Variants in MCTP1 observed in about 807,000 individuals in gnomAD.
MCTP1 encodes multiple C2 and transmembrane domain containing 1.
A neutral mutation model predicts 120.6 loss-of-function variants in MCTP1; 69 were observed. That is an observed-to-expected ratio of 0.57 (90% CI 0.47 to 0.70). The LOEUF (loss-of-function observed/expected upper bound fraction) is 0.70, where lower values mean the gene tolerates loss of function less well. Among genes scored for constraint, MCTP1 ranks in the 30% least tolerant of loss-of-function variants. MCTP1 has a pLI of 0.00. For missense variants in MCTP1, 1,203 were observed against 1,248.8 expected, an observed-to-expected ratio of 0.96 and a Z score of 0.55; for synonymous variants, 529 against 493.1, an observed-to-expected ratio of 1.07 and a Z score of -0.96.
chr5:94,910,627 G>T (rs980232894), intron 9 of MCTP1, among the ~76,000 whole-genome samples: 2 of 152,190 alleles, frequency 1.3e-5, no homozygotes, highest in African/African-American at 4.8e-5. Flanking sequence ...AAAGAGCAAA[G>T]AGAGACACAT....
rs1754732368 is a variant in MCTP1, at chr5:94,706,737, T to G, written c.*759A>C. On this transcript the variant is annotated 3_prime_UTR_variant, in exon 23 of 23. Coordinates refer to ENST00000515393, the MANE Select transcript of MCTP1 (RefSeq NM_024717.7). ...TGCTAACTAACTGTATAAATTAAAG[T>G]AGTGGTAGGTATAAAAATTCAGATA... 1 of 151,796 alleles carries G rather than the reference T, an allele frequency of 6.6e-6. No homozygotes were observed. The highest frequency in any genetic ancestry group is 2.1e-4 in the South Asian group (1 of 4,830). The allele number at this position is 151,796 out of a possible 1,614,324, so 9.4% of individuals were successfully genotyped here.
chr5:95,178,898 G>A (rs1337843089), intron 1 of MCTP1, among the ~76,000 whole-genome samples: 1 of 152,096 alleles, frequency 6.6e-6, no homozygotes, highest in Non-Finnish European at 1.5e-5. Flanking sequence ...CTAGAGAAAC[G>A]TGAACTCCAA....
At chr5:94,742,119 A>G (rs1765658048) in intron 19 of MCTP1, among the ~76,000 whole-genome samples, 1 of 152,216 alleles carries the variant, frequency 6.6e-6, no homozygotes, top group Non-Finnish European at 1.5e-5. Flanking sequence ...ACGGCTGGAA[A>G]GTGGAAGACT....
intron 1 of MCTP1, among the ~76,000 whole-genome samples, chr5:95,196,238 A>G (rs1231219431): frequency 6.6e-6 from 1 of 152,228 alleles, no homozygotes; most frequent in African/African-American, 2.4e-5. Flanking sequence ...AAAGATACAT[A>G]TATGTTCCTT....
intron 1 of MCTP1, among the ~76,000 whole-genome samples, chr5:95,215,578 C>A (rs1752948755): frequency 6.6e-6 from 1 of 151,954 alleles, no homozygotes; most frequent in South Asian, 2.1e-4. Flanking sequence ...CCTTTTTTTT[C>A]TTTGTTAGCC....
chr5:95,091,020 A>T (rs1367238842), intron 1 of MCTP1, among the ~76,000 whole-genome samples: 1 of 152,176 alleles, frequency 6.6e-6, no homozygotes, highest in East Asian at 1.9e-4. Context: ...CAGTCTATCA[A>T]TCAAATTACT....
intron 17 of MCTP1, chr5:94,826,772 C>CTTTTTTTTTTTTTTTTTTTTTTTTTT (rs61324420): frequency 4.7e-5 from 2 of 42,880 alleles, no homozygotes; most frequent in Non-Finnish European, 7.1e-5. Context: ...GTGACCCCTG[C>CTTTTTTTTTTTTTTTTTTTTTTTTTT]TTTTTTTTTT....
chr5:95,103,215 A>G (rs1396645833), intron 1 of MCTP1, among the ~76,000 whole-genome samples: 1 of 152,082 alleles, frequency 6.6e-6, no homozygotes, highest in African/African-American at 2.4e-5. Flanking sequence ...ATAAAGCCTA[A>G]TCAGAAATCA....
intron 1 of MCTP1, among the ~76,000 whole-genome samples, chr5:95,252,718 T>A (rs1252099823): frequency 6.6e-6 from 1 of 152,122 alleles, no homozygotes; most frequent in Non-Finnish European, 1.5e-5. Context: ...CCTATTTTTT[T>A]ATTTCTTAGG....
chr5:95,173,751 C>T (rs1006487404), intron 1 of MCTP1, among the ~76,000 whole-genome samples: 9 of 151,194 alleles, frequency 6.0e-5, no homozygotes, highest in Non-Finnish European at 1.3e-4. Flanking sequence ...GGGAAAGCCA[C>T]CAACATAAAA....
At chr5:95,099,161 TAA>T (rs1019533666) in intron 1 of MCTP1, among the ~76,000 whole-genome samples, 9 of 152,180 alleles carry the variant, frequency 5.9e-5, no homozygotes, top group African/African-American at 2.2e-4. Flanking sequence ...CCTAAATCCA[TAA>T]AAACCCTAGA....
At chr5:94,846,321 A>G (rs1792345223) in intron 17 of MCTP1, among the ~76,000 whole-genome samples, 1 of 152,192 alleles carries the variant, frequency 6.6e-6, no homozygotes, top group African/African-American at 2.4e-5. Flanking sequence ...CTACGCATCC[A>G]TACAAAGAAT....
intron 1 of MCTP1, among the ~76,000 whole-genome samples, chr5:95,089,787 C>T (rs938517389): frequency 6.6e-6 from 1 of 152,228 alleles, no homozygotes; most frequent in Admixed American, 6.5e-5. Context: ...TGTTGCAGAA[C>T]TAGCTCACAA....
intron 1 of MCTP1, among the ~76,000 whole-genome samples, chr5:95,117,476 T>A (rs925206514): frequency 2.6e-5 from 4 of 151,222 alleles, no homozygotes; most frequent in Middle Eastern, 3.2e-3. Context: ...TACCATTTCA[T>A]GCCAGTCAGA....
intron 1 of MCTP1, among the ~76,000 whole-genome samples, chr5:95,167,818 TG>T (rs1173588869): frequency 6.6e-6 from 1 of 152,218 alleles, no homozygotes; most frequent in Admixed American, 6.5e-5. Context: ...ATGAGTAGAT[TG>T]GAAAAATTTT....
At chr5:94,777,357 C>T (rs2152928501) in intron 19 of MCTP1, among the ~76,000 whole-genome samples, 1 of 152,284 alleles carries the variant, frequency 6.6e-6, no homozygotes, top group African/African-American at 2.4e-5. Context: ...TTTTGGTGAG[C>T]TGGTTAACCA....
At chr5:94,764,049 C>T (rs1397564746) in intron 19 of MCTP1, among the ~76,000 whole-genome samples, 1 of 152,086 alleles carries the variant, frequency 6.6e-6, no homozygotes, top group Non-Finnish European at 1.5e-5. Flanking sequence ...TGGTTCCATG[C>T]CATCTTTATT....
chr5:95,069,658 A>T (rs1054155007), intron 1 of MCTP1, among the ~76,000 whole-genome samples: 1 of 151,698 alleles, frequency 6.6e-6, no homozygotes, highest in African/African-American at 2.4e-5. Context: ...AGGGATGTCA[A>T]GTTGGGGTGC....
intron 1 of MCTP1, among the ~76,000 whole-genome samples, chr5:95,234,324 C>G (rs1755297733): frequency 6.6e-6 from 1 of 152,166 alleles, no homozygotes; most frequent in African/African-American, 2.4e-5. Flanking sequence ...TCTTTATATT[C>G]CAAAGGGTAA....
Sources: gnomAD v4.1 joint callset for allele counts (sites outside exome capture counted in the v4.1 genomes callset) on GRCh38, gnomAD v4.1.1 for gene constraint, MANE v1.5 for transcripts, NCBI Gene and HGNC (gene_info 2026-07-23, HGNC 2026-07-21) for gene names.